The following RPUSD1 variants were observed in gnomAD, a reference collection of about 807,000 sequenced individuals.
RPUSD1 encodes the protein pseudouridylate synthase RPUSD1.
RPUSD1 carries 28 observed loss-of-function variants against 22.4 expected under a neutral mutation model. That is an observed-to-expected ratio of 1.25 (90% CI 0.93 to 1.72). RPUSD1 has a LOEUF of 1.72. Ranked by LOEUF, RPUSD1 falls within the 40% of genes most tolerant of loss-of-function variation. The probability of loss-of-function intolerance (pLI) is 0.00; values close to 1 mark genes in which losing one functional copy is unlikely to be tolerated. For missense variants in RPUSD1, 596 were observed against 442.2 expected (o/e 1.35, Z -3.12); for synonymous variants, 298 against 201.0 (o/e 1.48, Z -4.08).
chr16:784,983 C>G lies in RPUSD1; in HGVS notation c.*967G>C, dbSNP rs553826389. The G allele has an allele frequency of 5.4e-4, 82 of 152,394 alleles. No homozygotes were observed. The highest frequency in any genetic ancestry group is 1.1e-3 in the Non-Finnish European group (73 of 68,140). The allele number at this position is 152,394 out of a possible 1,614,324, so 9.4% of individuals were successfully genotyped here. A position where few individuals can be genotyped will look rare whatever the true frequency, so the allele number is the denominator to read the frequency against. ...GACACGTTCACGGTCATCCTTGGAG[C>G]CAGTCACTGAACATTTATTTGGAGT... is the stretch of plus-strand genomic sequence containing the variant. On this transcript the variant is annotated 3_prime_UTR_variant, in exon 6 of 6. Coordinates refer to ENST00000007264, the MANE Select transcript of RPUSD1 (RefSeq NM_058192.3).
In RPUSD1 at chr16:787,470, G is replaced by A. The variant is rs748146320; in HGVS notation, c.190C>T (p.His64Tyr). ...PDTCYGFRFCHQLDFSTSGAL... is the reference protein window; with the variant it reads ...PDTCYGFRFCYQLDFSTSGAL... ...CCGCTGGTGGAGAAATCCAGCTGGT[G>A]GCAGAACCTGGAGTGGGACAGAGTC... Residue 64 changes from histidine (H) to tyrosine (Y), a missense_variant, in exon 3 of 6, where the codon CAC (histidine) becomes TAC (tyrosine). His to Tyr is a moderately conservative substitution (Grantham distance 83, BLOSUM62 2). Coordinates refer to ENST00000007264, the MANE Select transcript of RPUSD1 (RefSeq NM_058192.3). 9.5e-6 allele frequency: 15 copies of A among 1,586,732 alleles called. No homozygotes were observed. The highest frequency in any genetic ancestry group is 2.3e-5 in the South Asian group (2 of 88,312).
Position 786,190 on chromosome 16 carries a change from G to A in RPUSD1, c.699C>T (p.Ser233=). 1 of 1,612,642 alleles carries A rather than the reference G, an allele frequency of 6.2e-7. No homozygotes were observed. The highest frequency in any genetic ancestry group is 8.5e-7 in the Non-Finnish European group (1 of 1,179,868). ...TGTGGGGGCTCCAGCAGGCATCCAG[G>A]GAGGGCAGGAAGGGGTCAGGCGTGC... ...EVCTPDPFLP[S]LDACWSPHTL... is the part of the protein sequence containing the mutation. Residue 233 remains serine, a synonymous_variant, in exon 6 of 6, where the codon TCC becomes TCT. Transcript: ENST00000007264.
chr16:787,185 G>A lies in RPUSD1; in HGVS notation c.307-6C>T, dbSNP rs2272899. The A allele has an allele frequency of 3.6e-3, 5,810 of 1,599,332 alleles. 67 individuals carry two copies. The highest frequency in any genetic ancestry group is 0.026 in the African/African-American group (1,948 of 74,738). On this transcript the variant is annotated splice_polypyrimidine_tract_variant and splice_region_variant and intron_variant, in intron 3 of 5. Transcript: ENST00000007264. ...TCCTGGATGTGCCCCCGCAGCTGCA[G>A]GAGAGGGAGAATCGCACGCAGTTCA...
chr16:787,871 A>C (rs1445685166), intron 1 of RPUSD1, 127 bp from the exon 2 acceptor site: 2 of 869,350 alleles, frequency 2.3e-6, no homozygotes, highest in African/African-American at 3.4e-5. Context: ...CCGCAGCCCT[A>C]CTGTGCACCT....
At position 787,402 on chromosome 16, in the gene RPUSD1, C is replaced by G; in HGVS notation, c.258G>C (p.Ala86=). ...CGCGCCGCTCCTTGAAGCACCTGTACGCGCTGCCGGCGGCTGCCTTGTTTA... is the reference window on the plus strand; with the variant it reads ...CGCGCCGCTCCTTGAAGCACCTGTAGGCGCTGCCGGCGGCTGCCTTGTTTA... ...VALNKAAAGS[A]YRCFKERRVT... The change falls in exon 3 of 6, where the codon GCG becomes GCC. Residue 86 remains alanine (A), a synonymous_variant. Coordinates refer to ENST00000007264, the MANE Select transcript of RPUSD1 (RefSeq NM_058192.3). The G allele has an allele frequency of 3.8e-6, 6 of 1,588,010 alleles. No homozygotes were observed. Among genetic ancestry groups the G allele is most frequent in the Non-Finnish European group, 5.1e-6 (6 of 1,167,312 alleles).
Position 787,649 on chromosome 16 carries a change from T to C in RPUSD1, c.89A>G (p.Asp30Gly), listed in dbSNP as rs1200613846. The C allele has an allele frequency of 6.2e-7, 1 of 1,612,380 alleles. No individual in the cohort carries two copies. Among genetic ancestry groups the C allele is most frequent in the South Asian group, 1.1e-5 (1 of 91,090 alleles). Residue 30 changes from aspartate to glycine, a missense_variant, in exon 2 of 6, where the codon GAC becomes GGC. By Grantham distance (94) the Asp-to-Gly change is moderately conservative (BLOSUM62 -1). Coordinates refer to ENST00000007264, the MANE Select transcript of RPUSD1 (RefSeq NM_058192.3). Reference sequence around the variant, plus strand: ...CAGAGTCTCCCGCCACGCCTTGCTGTCAATGCGAACGTCCCAGTGCTTGTT... The same window carrying C: ...CAGAGTCTCCCGCCACGCCTTGCTGCCAATGCGAACGTCCCAGTGCTTGTT... ...VVNKHWDVRIDSKAWRETLTL... is the reference protein window; with the variant it reads ...VVNKHWDVRIGSKAWRETLTL...
chr16:786,248 C>A lies in RPUSD1; in HGVS notation c.641G>T (p.Arg214Leu), dbSNP rs751252137. Reference sequence around the variant, plus strand: ...CACACACTCGGTGTCCGTGGGGATGCGCAGGTAGAAAGCGTGCAGCATCAT... The same window carrying A: ...CACACACTCGGTGTCCGTGGGGATGAGCAGGTAGAAAGCGTGCAGCATCAT... ...FRMMLHAFYL[R>L]IPTDTECVEV... The change falls in exon 6 of 6, where the codon CGC becomes CTC. Residue 214 changes from arginine to leucine, a missense_variant. Coordinates refer to ENST00000007264, the MANE Select transcript of RPUSD1 (RefSeq NM_058192.3). 1.2e-6 allele frequency: 2 copies of A among 1,612,766 alleles called. No individual in the cohort carries two copies. Among genetic ancestry groups the A allele is most frequent in the South Asian group, 2.2e-5 (2 of 91,090 alleles).
In RPUSD1 at chr16:785,926, C is replaced by T; in HGVS notation, c.*24G>A. On this transcript the variant is annotated 3_prime_UTR_variant, in exon 6 of 6. Transcript: ENST00000007264. The stretch of plus-strand genomic sequence containing the variant: ...CTAGAGTCCCGCTGTGCAGCTGACA[C>T]CCCCTGCCCCAGCCCCACGGCTCTC... The T allele has an allele frequency of 7.0e-7, 1 of 1,426,240 alleles. No homozygotes were observed. Among genetic ancestry groups the T allele is most frequent in the Non-Finnish European group, 9.2e-7 (1 of 1,092,132 alleles). 88.3% of individuals were successfully genotyped at this position (1,426,240 alleles called of 1,614,324 possible). A position where few individuals can be genotyped will look rare whatever the true frequency, so the allele number is the denominator to read the frequency against.
Position 787,477 on chromosome 16 carries a change from C to A in RPUSD1, c.183G>T (p.Arg61Ser). The change falls in exon 3 of 6, where the codon AGG (arginine) becomes AGT (serine). Residue 61 changes from arginine (R) to serine (S), a missense_variant and splice_region_variant. Coordinates refer to ENST00000007264, the MANE Select transcript of RPUSD1 (RefSeq NM_058192.3). ...TGGAGAAATCCAGCTGGTGGCAGAA[C>A]CTGGAGTGGGACAGAGTCCAGAGTC... ...LADPDTCYGF[R>S]FCHQLDFSTS... is the part of the protein sequence containing the mutation. The A allele has an allele frequency of 6.3e-7, 1 of 1,588,524 alleles. No individual in the cohort carries two copies. Among genetic ancestry groups the A allele is most frequent in the Non-Finnish European group, 8.6e-7 (1 of 1,167,690 alleles).
rs1448936759 is a variant in RPUSD1 at position 787,142 on chromosome 16, C to T, written c.344G>A (p.Ser115Asn). 1.9e-6 allele frequency: 3 copies of T among 1,608,114 alleles called. No homozygotes were observed. The highest frequency in any genetic ancestry group is 1.1e-5 in the South Asian group (1 of 90,836). Residue 115 changes from serine (S) to asparagine (N), a missense_variant, in exon 4 of 6, where the codon AGC becomes AAC. Transcript: ENST00000007264. The stretch of plus-strand genomic sequence containing the variant: ...CGTGCTGTTCCTGCCAATGGCATGG[C>T]TGATGGTTACCCGGCTCTCCTGGAT... Reference protein sequence around the residue: ...GHIQESRVTISHAIGRNSTEG... With the variant: ...GHIQESRVTINHAIGRNSTEG...
rs1946804554 is a variant in RPUSD1, at chr16:786,932, G to A, written c.410-4C>T. On this transcript the variant is annotated splice_polypyrimidine_tract_variant and splice_region_variant and intron_variant, in intron 4 of 5. Transcript: ENST00000007264. ...CTTGGCTTTGGGTTCTCACAACCTGGGGCGCAGAAGGCAGGTGTGAGGTTA... is the reference window on the plus strand; with the variant it reads ...CTTGGCTTTGGGTTCTCACAACCTGAGGCGCAGAAGGCAGGTGTGAGGTTA... 3 of 1,612,234 alleles carry A rather than the reference G, an allele frequency of 1.9e-6. No homozygotes were observed. The highest frequency in any genetic ancestry group is 1.3e-5 in the African/African-American group (1 of 75,014).
In RPUSD1 at chr16:788,244, G is replaced by T; in HGVS notation, c.-8+12C>A. ...GAGCCCCTCCCGCGCCCACGCCCAC[G>T]CCAAGACCAACCTGCTGCCGGGCCG... On this transcript the variant is annotated intron_variant, in intron 1 of 5. Coordinates refer to ENST00000007264, the MANE Select transcript of RPUSD1 (RefSeq NM_058192.3). The T allele has an allele frequency of 2.6e-6, 1 of 388,430 alleles. No individual in the cohort carries two copies. Among genetic ancestry groups the T allele is most frequent in the Non-Finnish European group, 5.0e-6 (1 of 200,518 alleles). 24.1% of individuals were successfully genotyped at this position (388,430 alleles called of 1,614,324 possible). A position where few individuals can be genotyped will look rare whatever the true frequency, so the allele number is the denominator to read the frequency against.
In RPUSD1 at chr16:786,457, C is replaced by T. The variant is rs113645815; in HGVS notation, c.512-80G>A. On this transcript the variant is annotated intron_variant, in intron 5 of 5. Coordinates refer to ENST00000007264, the MANE Select transcript of RPUSD1 (RefSeq NM_058192.3). ...ATCTCCCTGACCAGGACCCACCTCCCGTCATGACCCCGCTGCAGTCTTGAA... is the reference window on the plus strand; with the variant it reads ...ATCTCCCTGACCAGGACCCACCTCCTGTCATGACCCCGCTGCAGTCTTGAA... 326 of 1,407,238 alleles carry T rather than the reference C, an allele frequency of 2.3e-4. 3 individuals are homozygous for T. The highest frequency in any genetic ancestry group is 2.3e-3 in the African/African-American group (160 of 70,960). 87.2% of individuals were successfully genotyped at this position (1,407,238 alleles called of 1,614,324 possible).
intron 4 of RPUSD1, 57 bp from the exon 5 acceptor site, chr16:786,985 C>A: frequency 6.4e-7 from 1 of 1,568,610 alleles, no homozygotes; most frequent in Non-Finnish European, 8.7e-7. Flanking sequence ...CCCAGGCCCA[C>A]CCCAACGCAC....
chr16:787,163 TG>T lies in RPUSD1; in HGVS notation c.322del (p.Gln108ArgfsTer5), dbSNP rs1567379706. ...ATGGCTGATGGTTACCCGGCTCTCC[TG>T]GATGTGCCCCCGCAGCTGCAGGAGA... ...AYLALLRGHI[Q>X]ESRVTISHAI... On this transcript the variant is annotated frameshift_variant, in exon 4 of 6. Coordinates refer to ENST00000007264, the MANE Select transcript of RPUSD1 (RefSeq NM_058192.3). LOFTEE classifies it high-confidence loss of function. 2 of 1,605,874 alleles carry T rather than the reference TG, an allele frequency of 1.2e-6. No individual in the cohort carries two copies. The highest frequency in any genetic ancestry group is 1.7e-6 in the Non-Finnish European group (2 of 1,179,162).
rs749591998 is a variant in RPUSD1, at chr16:787,432, C to A, written c.228G>T (p.Val76=). ...TGCCGGCGGCTGCCTTGTTTAGGGCCACGCACAGCGCCCCGCTGGTGGAGA... is the reference window on the plus strand; with the variant it reads ...TGCCGGCGGCTGCCTTGTTTAGGGCAACGCACAGCGCCCCGCTGGTGGAGA... ...LDFSTSGALC[V]ALNKAAAGSA... Residue 76 remains valine, a synonymous_variant, in exon 3 of 6, where the codon GTG becomes GTT. Transcript: ENST00000007264. 3.2e-6 allele frequency: 5 copies of A among 1,583,366 alleles called. No individual in the cohort carries two copies. In the Admixed American group the frequency reaches 8.8e-5, roughly 28 times the overall value.
At position 786,041 on chromosome 16, in the gene RPUSD1, G is replaced by A. The variant is rs886752368; in HGVS notation, c.848C>T (p.Pro283Leu). 3 of 1,513,348 alleles carry A rather than the reference G, an allele frequency of 2.0e-6. No individual in the cohort carries two copies. In the African/African-American group the frequency reaches 4.1e-5, roughly 21 times the overall value. 93.7% of individuals were successfully genotyped at this position (1,513,348 alleles called of 1,614,324 possible). A position where few individuals can be genotyped will look rare whatever the true frequency, so the allele number is the denominator to read the frequency against. Residue 283 changes from proline to leucine, a missense_variant, in exon 6 of 6, where the codon CCT (proline) becomes CTT (leucine). Transcript: ENST00000007264. The part of the protein sequence containing the change: ...SALLPGPGRP[P>L]PPPTKPPETE... ...CTCAGGGGGCTTGGTTGGGGGTGGA[G>A]GAGGCCGGCCGGGCCCAGGCAGGAG...
In RPUSD1 at chr16:787,476, A is replaced by G; in HGVS notation, c.184T>C (p.Phe62Leu). ...ADPDTCYGFR[F>L]CHQLDFSTSG... is the part of the protein sequence containing the mutation. ...GTGGAGAAATCCAGCTGGTGGCAGA[A>G]CCTGGAGTGGGACAGAGTCCAGAGT... Residue 62 changes from phenylalanine (F) to leucine (L), a missense_variant and splice_region_variant, in exon 3 of 6, where the codon TTC becomes CTC. By Grantham distance (22) the Phe-to-Leu change is conservative. Coordinates refer to ENST00000007264, the MANE Select transcript of RPUSD1 (RefSeq NM_058192.3). The G allele has an allele frequency of 1.3e-6, 2 of 1,588,408 alleles. No homozygotes were observed. Among genetic ancestry groups the G allele is most frequent in the Non-Finnish European group, 1.7e-6 (2 of 1,167,638 alleles).
In RPUSD1 at chr16:785,832, G is replaced by A. The variant is rs1596716696; in HGVS notation, c.*118C>T. 3 of 970,430 alleles carry A rather than the reference G, an allele frequency of 3.1e-6. No homozygotes were observed. In the South Asian group the frequency reaches 8.2e-5, roughly 26 times the overall value. The allele number at this position is 970,430 out of a possible 1,614,324, so 60.1% of individuals were successfully genotyped here. A position where few individuals can be genotyped will look rare whatever the true frequency, so the allele number is the denominator to read the frequency against. ...TCGCAGGCCTGGCCGGGGCAACCCAGTGGGCCTGATGCTGCCTGGCACCTC... is the reference window on the plus strand; with the variant it reads ...TCGCAGGCCTGGCCGGGGCAACCCAATGGGCCTGATGCTGCCTGGCACCTC... On this transcript the variant is annotated 3_prime_UTR_variant, in exon 6 of 6. Transcript: ENST00000007264.
Sources: gnomAD v4.1 joint callset for allele counts on GRCh38, gnomAD v4.1.1 for gene constraint, MANE v1.5 for transcripts, NCBI Gene and HGNC (gene_info 2026-07-23, HGNC 2026-07-21) for gene names.